The following SPAST variants were observed in gnomAD, a reference collection of about 807,000 sequenced individuals.
SPAST encodes spastin.
A neutral mutation model predicts 76.6 loss-of-function variants in SPAST; 30 were observed. That is an observed-to-expected ratio of 0.39 (90% CI 0.29 to 0.53). SPAST has a LOEUF of 0.53. SPAST is among the 20% of genes least tolerant of loss of function. The pLI is 0.68. For missense variants in SPAST, 717 were observed against 770.5 expected, an observed-to-expected ratio of 0.93 and a Z score of 0.82; for synonymous variants, 305 against 281.0, an observed-to-expected ratio of 1.09 and a Z score of -0.86.
chr2:32,067,596 C>T (rs1318283130), intron 1 of SPAST, among the ~76,000 whole-genome samples: 4 of 151,696 alleles, frequency 2.6e-5, no homozygotes, highest in Non-Finnish European at 4.4e-5. Flanking sequence ...ATACTTAAAT[C>T]CTCCTAAACA....
chr2:32,090,160 A>T (rs1677654820), intron 3 of SPAST, among the ~76,000 whole-genome samples: 1 of 152,258 alleles, frequency 6.6e-6, no homozygotes, highest in Non-Finnish European at 1.5e-5. Flanking sequence ...AGCAAACTGC[A>T]GCTGATGGGC....
At chr2:32,147,102 A>G (rs1679911339) in intron 15 of SPAST, 116 bp from the exon 16 acceptor site, 2 of 690,596 alleles carry the variant, frequency 2.9e-6, no homozygotes, top group Non-Finnish European at 5.3e-6. Flanking sequence ...CTTTTTTTTA[A>G]TATAATGATT....
chr2:32,127,378 A>G, intron 8 of SPAST: 1 of 302,712 alleles, frequency 3.3e-6, no homozygotes, highest in Non-Finnish European at 6.4e-6. Flanking sequence ...TGGGCCTCCT[A>G]AAGTGATGGG....
rs149746595 is a variant in SPAST at position 32,153,123 on chromosome 2, A to G, written c.1729-1251A>G. ...AGTTTACAAGTTACAAGTGTAGGTG[A>G]TATCTCATGGAGATATCAAAGATGA... On this transcript the variant is annotated intron_variant, in intron 16 of 16. Coordinates refer to ENST00000315285, the MANE Select transcript of SPAST (RefSeq NM_014946.4). Among the ~76,000 whole-genome samples, 462 of 152,206 alleles carry G rather than the reference A, an allele frequency of 3.0e-3. 2 individuals carry two copies. Among genetic ancestry groups the G allele is most frequent in the African/African-American group, 0.011 (448 of 41,532 alleles).
intron 3 of SPAST, among the ~76,000 whole-genome samples, chr2:32,091,369 C>G (rs1025401469): frequency 2.0e-5 from 3 of 150,316 alleles, no homozygotes; most frequent in Admixed American, 2.0e-4. Flanking sequence ...CACCCTCCAC[C>G]TCCTGGGTTC....
At chr2:32,146,142 C>G (rs1679878146) in intron 15 of SPAST, among the ~76,000 whole-genome samples, 1 of 152,126 alleles carries the variant, frequency 6.6e-6, no homozygotes, top group South Asian at 2.1e-4. Flanking sequence ...GAGCTTAAAT[C>G]TTGTTCAGTT....
intron 9 of SPAST, chr2:32,128,760 C>T: frequency 2.4e-6 from 1 of 416,542 alleles, no homozygotes; most frequent in Non-Finnish European, 4.4e-6. Flanking sequence ...AGGTAGAAGT[C>T]TAAGATCAGT....
At chr2:32,132,663 G>C (rs1379176977) in intron 9 of SPAST, among the ~76,000 whole-genome samples, 5 of 151,930 alleles carry the variant, frequency 3.3e-5, no homozygotes, top group African/African-American at 1.2e-4. Flanking sequence ...AGTATGCCTA[G>C]ATAAGAACTG....
intron 1 of SPAST, among the ~76,000 whole-genome samples, chr2:32,083,702 T>C (rs1315877002): frequency 7.3e-6 from 1 of 137,526 alleles, no homozygotes; most frequent in Non-Finnish European, 1.5e-5. Flanking sequence ...AGAGTATATA[T>C]ATTTTTATAC....
intron 12 of SPAST, among the ~76,000 whole-genome samples, chr2:32,138,462 G>A (rs1679614236): frequency 1.3e-5 from 2 of 151,978 alleles, no homozygotes; most frequent in East Asian, 3.9e-4. Flanking sequence ...TTTCATGTTT[G>A]TTGTCCCCTC....
chr2:32,082,713 A>G (rs558292224), intron 1 of SPAST, among the ~76,000 whole-genome samples: 1 of 151,984 alleles, frequency 6.6e-6, no homozygotes, highest in East Asian at 1.9e-4. Flanking sequence ...AAAAAATCAG[A>G]TCTGTCCCTA....
intron 3 of SPAST, among the ~76,000 whole-genome samples, chr2:32,091,245 CTATTATTATTATTATTAT>C (rs139735937): frequency 0.027 from 3,442 of 126,886 alleles, 54 homozygotes; most frequent in African/African-American, 0.045. Context: ...TAATATGAAG[CTATTATTATTATTATTAT>C]TATTATTATT....
At chr2:32,098,664 C>A in intron 3 of SPAST, 132 bp from the exon 4 acceptor site, 2 of 602,820 alleles carry the variant, frequency 3.3e-6, no homozygotes, top group Non-Finnish European at 3.0e-6. Context: ...TATATAAATG[C>A]AAAAACTTTT....
At chr2:32,079,492 C>A (rs1405682124) in intron 1 of SPAST, among the ~76,000 whole-genome samples, 1 of 148,012 alleles carries the variant, frequency 6.8e-6, no homozygotes, top group African/African-American at 2.5e-5. Flanking sequence ...GGTGACAGAG[C>A]GAGACCCAGT....
chr2:32,096,888 A>G (rs1426585837), intron 3 of SPAST, among the ~76,000 whole-genome samples: 1 of 152,066 alleles, frequency 6.6e-6, no homozygotes, highest in African/African-American at 2.4e-5. Flanking sequence ...CTCAAAAAAA[A>G]AAAAACCTCC....
intron 13 of SPAST, among the ~76,000 whole-genome samples, chr2:32,142,402 G>A (rs966918397): frequency 1.3e-5 from 2 of 151,982 alleles, no homozygotes; most frequent in Non-Finnish European, 1.5e-5. Flanking sequence ...TGCAGAAAAC[G>A]CAAATTTATT....
At chr2:32,079,344 C>G (rs1558617088) in intron 1 of SPAST, among the ~76,000 whole-genome samples, 1 of 151,416 alleles carries the variant, frequency 6.6e-6, no homozygotes, top group Non-Finnish European at 1.5e-5. Context: ...AGTGAGAGAC[C>G]CTGTCTTTAG....
At chr2:32,125,403 A>G (rs1679156346) in intron 7 of SPAST, among the ~76,000 whole-genome samples, 1 of 151,748 alleles carries the variant, frequency 6.6e-6, no homozygotes, top group Admixed American at 6.6e-5. Flanking sequence ...TTGCAGTTTT[A>G]GTAGAGACAG....
In SPAST at chr2:32,116,201, C is replaced by T. The variant is rs769858706; in HGVS notation, c.1087C>T (p.Leu363=). The T allele has an allele frequency of 5.0e-6, 8 of 1,609,590 alleles. No individual in the cohort carries two copies. The highest frequency in any genetic ancestry group is 1.7e-4 in the Middle Eastern group (1 of 6,036). ...ALQEIVILPS[L]RPELFTGLRA... is the part of the protein sequence containing the mutation. Reference sequence around the variant, plus strand: ...GCAAGAAATTGTTATTCTTCCTTCTCTGAGGCCTGAGGTAAGAACTTTATA... The same window carrying T: ...GCAAGAAATTGTTATTCTTCCTTCTTTGAGGCCTGAGGTAAGAACTTTATA... Residue 363 remains leucine (L), a synonymous_variant, in exon 7 of 17, where the codon CTG becomes TTG. Transcript: ENST00000315285.
Sources: gnomAD v4.1 joint callset for allele counts (sites outside exome capture counted in the v4.1 genomes callset) on GRCh38, gnomAD v4.1.1 for gene constraint, MANE v1.5 for transcripts, NCBI Gene and HGNC (gene_info 2026-07-23, HGNC 2026-07-21) for gene names.